GALNTL6: variants seen among roughly 807,000 people sequenced by gnomAD.
The protein encoded by GALNTL6 is polypeptide N-acetylgalactosaminyltransferase like 6, also known as polypeptide N-acetylgalactosaminyltransferase-like 6.
In GALNTL6, 46 loss-of-function variants were observed where a neutral mutation model predicts 73.7. The ratio of observed to expected loss-of-function variants is 0.62; its 90% CI spans 0.49 to 0.80. The LOEUF (loss-of-function observed/expected upper bound fraction) is 0.80, where lower values mean the gene tolerates loss of function less well. Among genes scored for constraint, GALNTL6 ranks in the 30% least tolerant of loss-of-function variants. The pLI is 0.00. For synonymous variants in GALNTL6, 259 were observed against 263.7 expected (o/e 0.98, Z 0.17); for missense variants, 604 against 755.0 (o/e 0.80, Z 2.34).
intron 2 of GALNTL6, 160 bp downstream of exon 2, chr4:171,814,878 A>ATATTGCTTTATATTAATG: frequency 1.6e-6 from 1 of 642,740 alleles, no homozygotes. Flanking sequence ...TTAAGCAAGT[A>ATATTGCTTTATATTAATG]GATGTTTTAA....
intron 5 of GALNTL6, among the ~76,000 whole-genome samples, chr4:172,793,162 T>C (rs1188416223): frequency 6.6e-6 from 1 of 152,228 alleles, no homozygotes; most frequent in African/African-American, 2.4e-5. Context: ...AGAGAAGCAT[T>C]GCATTTCTAG....
chr4:173,004,938 G>C (rs1167837649), intron 10 of GALNTL6, among the ~76,000 whole-genome samples: 1 of 152,180 alleles, frequency 6.6e-6, no homozygotes, highest in African/African-American at 2.4e-5. Context: ...AGGCTACCAG[G>C]AGGAATTAGC....
At chr4:172,068,247 C>T (rs1024846114) in intron 2 of GALNTL6, among the ~76,000 whole-genome samples, 1 of 108,904 alleles carries the variant, frequency 9.2e-6, no homozygotes, top group Non-Finnish European at 2.0e-5. Context: ...CGCACCCTAG[C>T]TCAAGCTACC....
At chr4:172,131,406 A>AATATATATATATAT (rs772791571) in intron 2 of GALNTL6, among the ~76,000 whole-genome samples, 137 of 137,538 alleles carry the variant, frequency 1.0e-3, no homozygotes, top group African/African-American at 3.4e-3. Context: ...ATGCCTTTAA[A>AATATATATATATAT]ATATATATAT....
intron 8 of GALNTL6, among the ~76,000 whole-genome samples, chr4:172,923,264 A>T (rs1747883819): frequency 6.6e-6 from 1 of 151,768 alleles, no homozygotes. Context: ...GGAAGGCAAG[A>T]AGGAGCAAGT....
rs1196388665 is a variant in GALNTL6 at position 172,566,455 on chromosome 4, G to T, written c.553+217766G>T. On this transcript the variant is annotated intron_variant, in intron 5 of 12. Coordinates refer to ENST00000506823, the MANE Select transcript of GALNTL6 (RefSeq NM_001034845.3). The stretch of plus-strand genomic sequence containing the variant: ...CATGAACAACCAATGGATCAGAAAA[G>T]AAATCAAAATGGAAATTTAAAAAAT... 4.6e-5 allele frequency among the ~76,000 whole-genome samples: 7 copies of T among 151,838 alleles called. No homozygotes were observed. The East Asian group carries it at 1.4e-3, about 29-fold the overall frequency.
At chr4:172,597,938 G>T (rs1737924195) in intron 5 of GALNTL6, among the ~76,000 whole-genome samples, 1 of 149,970 alleles carries the variant, frequency 6.7e-6, no homozygotes, top group Non-Finnish European at 1.5e-5. Context: ...TTTTTTTAAG[G>T]TAAGATATTT....
At chr4:172,955,700 T>C (rs1256251936) in intron 10 of GALNTL6, among the ~76,000 whole-genome samples, 5 of 152,190 alleles carry the variant, frequency 3.3e-5, no homozygotes, top group African/African-American at 1.2e-4. Flanking sequence ...ACAGGCTTTG[T>C]GTGAGCAACA....
chr4:171,835,103 A>G (rs1260002266), intron 2 of GALNTL6, among the ~76,000 whole-genome samples: 2 of 152,062 alleles, frequency 1.3e-5, no homozygotes, highest in Non-Finnish European at 2.9e-5. Context: ...TGACAAACAT[A>G]TCACTTAGAA....
intron 10 of GALNTL6, among the ~76,000 whole-genome samples, chr4:172,986,401 A>G (rs374665082): frequency 3.3e-5 from 5 of 152,188 alleles, no homozygotes; most frequent in African/African-American, 1.2e-4. Flanking sequence ...TAATGTCAGG[A>G]GTGAAAGTCC....
intron 8 of GALNTL6, among the ~76,000 whole-genome samples, chr4:172,904,649 T>C (rs1746792311): frequency 6.6e-6 from 1 of 152,280 alleles, no homozygotes; most frequent in South Asian, 2.1e-4. Context: ...ACCCTGGTCC[T>C]CCAGACCTGT....
intron 5 of GALNTL6, among the ~76,000 whole-genome samples, chr4:172,606,852 G>C (rs1408718993): frequency 6.6e-6 from 1 of 151,294 alleles, no homozygotes; most frequent in Non-Finnish European, 1.5e-5. Flanking sequence ...AGTCTTAGAA[G>C]TTGGAAGAGG....
chr4:172,333,784 C>T (rs1465667864), intron 4 of GALNTL6, among the ~76,000 whole-genome samples: 1 of 152,086 alleles, frequency 6.6e-6, no homozygotes, highest in Non-Finnish European at 1.5e-5. Context: ...AGGGAGTTTT[C>T]CCAATGTTTT....
intron 5 of GALNTL6, among the ~76,000 whole-genome samples, chr4:172,786,637 G>A (rs2110914742): frequency 6.6e-6 from 1 of 152,256 alleles, no homozygotes; most frequent in South Asian, 2.1e-4. Context: ...TCACGGCCAA[G>A]TCCCTGCTCT....
chr4:171,847,515 A>G (rs894273193), intron 2 of GALNTL6, among the ~76,000 whole-genome samples: 4 of 152,180 alleles, frequency 2.6e-5, no homozygotes, highest in African/African-American at 9.6e-5. Flanking sequence ...CCTTTCACAC[A>G]AGATTTTTCT....
intron 5 of GALNTL6, among the ~76,000 whole-genome samples, chr4:172,730,354 G>A (rs1043917524): frequency 2.0e-5 from 3 of 152,140 alleles, no homozygotes; most frequent in African/African-American, 7.2e-5. Context: ...TCAGTGCAGT[G>A]TTAGTCATGG....
intron 5 of GALNTL6, among the ~76,000 whole-genome samples, chr4:172,476,255 G>A (rs565619270): frequency 2.0e-5 from 3 of 152,216 alleles, no homozygotes; most frequent in Non-Finnish European, 2.9e-5. Context: ...CCCTCTCGCT[G>A]TGTTCTAACA....
chr4:172,509,490 T>A (rs2110790120), intron 5 of GALNTL6, among the ~76,000 whole-genome samples: 1 of 55,612 alleles, frequency 1.8e-5, no homozygotes, highest in African/African-American at 4.5e-5. Flanking sequence ...TTGTTGCATT[T>A]GCTTGTGGGT....
At chr4:172,578,993 C>T (rs1032249481) in intron 5 of GALNTL6, among the ~76,000 whole-genome samples, 2 of 152,194 alleles carry the variant, frequency 1.3e-5, no homozygotes, top group Non-Finnish European at 1.5e-5. Flanking sequence ...AGTTGATTTA[C>T]ATCCAACTTT....
Sources: allele counts gnomAD v4.1 joint callset (sites outside exome capture counted in the v4.1 genomes callset), GRCh38; gene constraint gnomAD v4.1.1; transcripts MANE v1.5; gene names NCBI Gene and HGNC (gene_info 2026-07-23, HGNC 2026-07-21).